The following OGA variants were observed in gnomAD, a reference collection of about 807,000 sequenced individuals.
OGA encodes O-GlcNAcase, also known as protein O-GlcNAcase.
OGA carries 21 observed loss-of-function variants against 102.0 expected under a neutral mutation model. The observed-to-expected ratio is 0.21, with a 90% confidence interval of 0.15 to 0.30. The LOEUF is 0.30. OGA is among the 10% of genes least tolerant of loss of function. The probability of loss-of-function intolerance (pLI) is 1.00; values close to 1 mark genes in which losing one functional copy is unlikely to be tolerated. For synonymous variants in OGA, 408 were observed against 378.2 expected (o/e 1.08, Z -0.91); for missense variants, 765 against 1,107.8 (o/e 0.69, Z 4.39).
At chr10:101,811,471 G>A (rs1046266770) in intron 3 of OGA, among the ~76,000 whole-genome samples, 1 of 145,098 alleles carries the variant, frequency 6.9e-6, no homozygotes, top group Non-Finnish European at 1.5e-5. Context: ...GAGAGGCCAC[G>A]GCAAGTTGAC....
intron 10 of OGA, 53 bp from the exon 11 acceptor site, chr10:101,794,051 G>T: frequency 7.6e-7 from 1 of 1,322,688 alleles, no homozygotes; most frequent in Admixed American, 1.8e-5. Flanking sequence ...GATTTCCTGG[G>T]GTCTCAAATG....
chr10:101,808,645 A>G (rs1016510128), intron 4 of OGA, among the ~76,000 whole-genome samples: 3 of 152,120 alleles, frequency 2.0e-5, no homozygotes, highest in East Asian at 1.9e-4. Context: ...GAAATAAGAC[A>G]TGTATATAGA....
intron 3 of OGA, among the ~76,000 whole-genome samples, chr10:101,811,565 T>A (rs188799426): frequency 6.6e-6 from 1 of 152,064 alleles, no homozygotes; most frequent in East Asian, 1.9e-4. Flanking sequence ...TAGCTGGGTG[T>A]GGTGACCCGC....
intron 14 of OGA, among the ~76,000 whole-genome samples, chr10:101,789,851 C>T (rs960447618): frequency 6.6e-6 from 1 of 152,132 alleles, no homozygotes; most frequent in Non-Finnish European, 1.5e-5. Context: ...TAGTGGCTTG[C>T]ACCTGTAGTC....
chr10:101,804,128 T>C, intron 6 of OGA, 109 bp from the exon 7 acceptor site: 1 of 989,460 alleles, frequency 1.0e-6, no homozygotes, highest in Non-Finnish European at 1.5e-6. Context: ...GCAGATCATT[T>C]GAGCCCAGGA....
intron 7 of OGA, among the ~76,000 whole-genome samples, chr10:101,803,448 T>TAAAAA (rs575226082): frequency 1.3e-5 from 1 of 74,304 alleles, no homozygotes; most frequent in African/African-American, 5.2e-5. Context: ...TGAATCATAC[T>TAAAAA]AAAAAAAAAA....
In OGA at chr10:101,807,750, G is replaced by C; in HGVS notation, c.632C>G (p.Thr211Ser). 6.3e-7 allele frequency: 1 copy of C among 1,599,632 alleles called. No homozygotes were observed. Among genetic ancestry groups the C allele is most frequent in the Admixed American group, 1.8e-5 (1 of 56,132 alleles). Residue 211 changes from threonine (T) to serine (S), a missense_variant, in exon 5 of 16, where the codon ACT becomes AGT. Physicochemically the swap from Thr to Ser is moderately conservative, Grantham distance 58. Transcript: ENST00000361464. ...AATACCTGTGGGACAGAAGAGGAAA[G>C]TTTCTGGCTCTCCTAGGTACTGATA... ...EIYQYLGEPE[T>S]FLFCPTEYCG...
At chr10:101,787,278 T>C (rs902467229) in intron 15 of OGA, 86 bp downstream of exon 15, 1 of 1,346,694 alleles carries the variant, frequency 7.4e-7, no homozygotes, top group African/African-American at 1.5e-5. Flanking sequence ...AAATTTACAA[T>C]TCACTTCTTT....
chr10:101,797,034 T>G (rs2065325725), intron 10 of OGA: 1 of 152,072 alleles, frequency 6.6e-6, no homozygotes, highest in South Asian at 2.1e-4. Flanking sequence ...GAAACTTTTT[T>G]TTTTTTTTTT....
chr10:101,794,496 G>A (rs989542901), intron 10 of OGA, among the ~76,000 whole-genome samples: 12 of 152,122 alleles, frequency 7.9e-5, no homozygotes, highest in African/African-American at 2.9e-4. Flanking sequence ...AAGGTCAGTA[G>A]AATAAAATAC....
At position 101,818,201 on chromosome 10, in the gene OGA, G is replaced by A. The variant is rs2135110550; in HGVS notation, c.-179C>T. 1 of 1,349,380 alleles carries A rather than the reference G, an allele frequency of 7.4e-7. No homozygotes were observed. Among genetic ancestry groups the A allele is most frequent in the Non-Finnish European group, 9.5e-7 (1 of 1,054,436 alleles). 83.6% of individuals were successfully genotyped at this position (1,349,380 alleles called of 1,614,324 possible). A position where few individuals can be genotyped will look rare whatever the true frequency, so the allele number is the denominator to read the frequency against. On this transcript the variant is annotated 5_prime_UTR_variant, in exon 1 of 16. Coordinates refer to ENST00000361464, the MANE Select transcript of OGA (RefSeq NM_012215.5). The stretch of plus-strand genomic sequence containing the variant: ...AGGGACCCGAATGCCCGGATGAGAA[G>A]GGCGGCGGCACCGGCGCGAGCCCTT...
chr10:101,818,438 T>G lies in OGA; in HGVS notation c.-416A>C. The G allele has an allele frequency of 1.0e-6, 1 of 1,004,934 alleles. No homozygotes were observed. Among genetic ancestry groups the G allele is most frequent in the African/African-American group, 1.7e-5 (1 of 57,844 alleles). 62.3% of individuals were successfully genotyped at this position (1,004,934 alleles called of 1,614,324 possible). ...CTGCCTCCACCGCCCGCTTCCTGTT[T>G]ATCCGCACTGCGCTTGCGCTGCAGA... On this transcript the variant is annotated 5_prime_UTR_variant, in exon 1 of 16. Coordinates refer to ENST00000361464, the MANE Select transcript of OGA (RefSeq NM_012215.5).
intron 1 of OGA, among the ~76,000 whole-genome samples, chr10:101,814,785 G>C (rs1003841457): frequency 1.3e-5 from 2 of 152,116 alleles, no homozygotes; most frequent in Non-Finnish European, 2.9e-5. Context: ...AATAAACAAA[G>C]AAAACTCAAG....
rs1312962919 is a variant in OGA, at chr10:101,818,090, C to G, written c.-68G>C. Reference sequence around the variant, plus strand: ...ACCTCTGTCCGTTGGGGCACCGGCCCGGAGCCCTGGAGAGGGCTTCAGCTC... The same window carrying G: ...ACCTCTGTCCGTTGGGGCACCGGCCGGGAGCCCTGGAGAGGGCTTCAGCTC... On this transcript the variant is annotated 5_prime_UTR_variant, in exon 1 of 16. Coordinates refer to ENST00000361464, the MANE Select transcript of OGA (RefSeq NM_012215.5). The G allele has an allele frequency of 1.4e-5, 21 of 1,459,534 alleles. No homozygotes were observed. Among genetic ancestry groups the G allele is most frequent in the Non-Finnish European group, 1.8e-5 (20 of 1,103,936 alleles). The allele number at this position is 1,459,534 out of a possible 1,614,324, so 90.4% of individuals were successfully genotyped here. A position where few individuals can be genotyped will look rare whatever the true frequency, so the allele number is the denominator to read the frequency against.
chr10:101,810,374 G>C, intron 3 of OGA, 60 bp from the exon 4 acceptor site: 1 of 1,465,092 alleles, frequency 6.8e-7, no homozygotes, highest in Non-Finnish European at 9.3e-7. Flanking sequence ...AACCTTCACT[G>C]AAGGTTTAAC....
At chr10:101,791,218 G>T in intron 13 of OGA, 130 bp from the exon 14 acceptor site, 1 of 1,200,430 alleles carries the variant, frequency 8.3e-7, no homozygotes, top group Non-Finnish European at 1.2e-6. Context: ...AACTAGAAAT[G>T]CACACATATT....
chr10:101,815,963 GA>G (rs1364147466), intron 1 of OGA, among the ~76,000 whole-genome samples: 4 of 44,982 alleles, frequency 8.9e-5, no homozygotes, highest in Admixed American at 2.5e-4. Context: ...CAAAAAGAGA[GA>G]AAAAAAAAAA....
intron 10 of OGA, chr10:101,795,793 T>C (rs912411766): frequency 6.8e-6 from 4 of 590,986 alleles, no homozygotes; most frequent in African/African-American, 2.0e-5. Flanking sequence ...ACACTAATGA[T>C]AGTTGATGAG....
At chr10:101,796,155 A>T (rs914483049) in intron 10 of OGA, among the ~76,000 whole-genome samples, 1 of 152,226 alleles carries the variant, frequency 6.6e-6, no homozygotes, top group African/African-American at 2.4e-5. Context: ...AATGAATTAT[A>T]AGAACCTGAG....
Sources: allele counts gnomAD v4.1 joint callset (sites outside exome capture counted in the v4.1 genomes callset), GRCh38; gene constraint gnomAD v4.1.1; transcripts MANE v1.5; gene names NCBI Gene and HGNC (gene_info 2026-07-23, HGNC 2026-07-21).